The following ADIPOR2 variants were observed in gnomAD, a reference collection of about 807,000 sequenced individuals.
ADIPOR2 encodes adiponectin receptor protein 2.
ADIPOR2 carries 18 observed loss-of-function variants against 40.9 expected under a neutral mutation model. The observed-to-expected ratio is 0.44, with a 90% CI of 0.30 to 0.65. The LOEUF (loss-of-function observed/expected upper bound fraction) is 0.65. Among genes scored for constraint, ADIPOR2 ranks in the 30% least tolerant of loss-of-function variants. The pLI, the probability that ADIPOR2 is intolerant of heterozygous loss-of-function variation, is 0.09. For missense variants in ADIPOR2, 283 were observed against 479.2 expected (o/e 0.59, Z 3.82); for synonymous variants, 165 against 166.4 (o/e 0.99, Z 0.06).
intron 1 of ADIPOR2, among the ~76,000 whole-genome samples, chr12:1,721,042 T>C (rs2094696840): frequency 6.6e-6 from 1 of 152,074 alleles, no homozygotes; most frequent in Non-Finnish European, 1.5e-5. Flanking sequence ...GTCCTGCCTT[T>C]CCAGACCAAA....
chr12:1,735,570 A>G (rs1592598396), intron 1 of ADIPOR2, among the ~76,000 whole-genome samples: 1 of 152,114 alleles, frequency 6.6e-6, no homozygotes, highest in East Asian at 1.9e-4. Context: ...TTCTTTTCCT[A>G]ATTGAATACC....
chr12:1,694,069 G>A (rs2094633005), intron 1 of ADIPOR2, among the ~76,000 whole-genome samples: 1 of 152,134 alleles, frequency 6.6e-6, no homozygotes, highest in African/African-American at 2.4e-5. Context: ...ACTACTTTAC[G>A]TGTATGAAAT....
chr12:1,732,457 G>A (rs1267064534), intron 1 of ADIPOR2, among the ~76,000 whole-genome samples: 1 of 152,150 alleles, frequency 6.6e-6, no homozygotes, highest in Non-Finnish European at 1.5e-5. Flanking sequence ...ATACACTTAA[G>A]GTTCTCCATG....
Position 1,742,696 on chromosome 12 carries a change from T to G in ADIPOR2, c.-86-11562T>G, listed in dbSNP as rs115631843. ...TGTCTAGATTACTTGTAGTACCAAA[T>G]ACAATGTAAATGCCCTGTAAATAGT... On this transcript the variant is annotated intron_variant, in intron 1 of 7. Transcript: ENST00000357103. Among the ~76,000 whole-genome samples the G allele has an allele frequency of 4.3e-3, 662 of 152,316 alleles. 5 individuals carry two copies. Among genetic ancestry groups the G allele is most frequent in the African/African-American group, 0.015 (631 of 41,568 alleles).
intron 1 of ADIPOR2, among the ~76,000 whole-genome samples, chr12:1,751,916 C>T (rs2094770076): frequency 6.7e-6 from 1 of 148,690 alleles, no homozygotes. Flanking sequence ...CTTTTCTTTT[C>T]TTTCTTTCTT....
chr12:1,728,958 G>GTTTTTTTTTTTTTTTTTTTTTTT, intron 1 of ADIPOR2, among the ~76,000 whole-genome samples: 1 of 110,054 alleles, frequency 9.1e-6, no homozygotes, highest in Non-Finnish European at 1.8e-5. Flanking sequence ...GTTCTGGACT[G>GTTTTTTTTTTTTTTTTTTTTTTT]TTTTTTTTTT....
At chr12:1,776,553 T>C (rs1862600748) in intron 3 of ADIPOR2, among the ~76,000 whole-genome samples, 1 of 152,300 alleles carries the variant, frequency 6.6e-6, no homozygotes, top group Admixed American at 6.5e-5. Flanking sequence ...CAAGATTAAG[T>C]GATCCTTGTG....
chr12:1,766,451 A>G (rs1345093572), intron 2 of ADIPOR2, among the ~76,000 whole-genome samples: 6 of 152,206 alleles, frequency 3.9e-5, no homozygotes, highest in Non-Finnish European at 5.9e-5. Flanking sequence ...CTCCTGGTCC[A>G]GTATTATGCC....
At chr12:1,725,125 C>CTT (rs33993408) in intron 1 of ADIPOR2, among the ~76,000 whole-genome samples, 1 of 143,890 alleles carries the variant, frequency 6.9e-6, no homozygotes, top group East Asian at 2.0e-4. Flanking sequence ...CGCAAACTTT[C>CTT]TTTTTTTTTT....
At chr12:1,732,702 A>G (rs184755452) in intron 1 of ADIPOR2, among the ~76,000 whole-genome samples, 15 of 152,290 alleles carry the variant, frequency 9.8e-5, no homozygotes, top group African/African-American at 3.4e-4. Context: ...GTATTTATGC[A>G]TACACTTTTA....
intron 1 of ADIPOR2, among the ~76,000 whole-genome samples, chr12:1,698,724 C>T (rs2154441270): frequency 6.6e-6 from 1 of 151,920 alleles, no homozygotes; most frequent in Non-Finnish European, 1.5e-5. Context: ...AAGCTAATTC[C>T]CCTTTAGTAA....
In ADIPOR2 at chr12:1,780,743, C is replaced by CT. The variant is rs372747022; in HGVS notation, c.650+118dup. ...AATTCTTAATATCATCTCATGCAAA[C>CT]TTTTTTTTTTTTAAAAATTAAAGAG... On this transcript the variant is annotated intron_variant, in intron 5 of 7. Transcript: ENST00000357103. 18 of 1,293,216 alleles carry CT rather than the reference C, an allele frequency of 1.4e-5. No homozygotes were observed. In the African/African-American group the frequency reaches 1.9e-4, roughly 14 times the overall value. 80.1% of individuals were successfully genotyped at this position (1,293,216 alleles called of 1,614,324 possible).
Position 1,783,956 on chromosome 12 carries a change from C to G in ADIPOR2, c.915C>G (p.Ala305=). The part of the protein sequence containing the change: ...HYVISEGFLK[A]ATIGQIGWLM... ...TCATCTCGGAGGGGTTCCTTAAGGC[C>G]GCCACCATAGGGCAGATAGGCTGGT... Residue 305 remains alanine (A), a synonymous_variant, in exon 7 of 8, where the codon GCC becomes GCG. Transcript: ENST00000357103. The G allele has an allele frequency of 1.9e-6, 3 of 1,613,564 alleles. No homozygotes were observed. Among genetic ancestry groups the G allele is most frequent in the Non-Finnish European group, 2.5e-6 (3 of 1,179,772 alleles).
intron 1 of ADIPOR2, among the ~76,000 whole-genome samples, chr12:1,704,697 A>G (rs1443750591): frequency 6.6e-6 from 1 of 152,214 alleles, no homozygotes; most frequent in Admixed American, 6.5e-5. Context: ...AAGATGTTTG[A>G]TATAAAACAC....
At chr12:1,752,188 C>A (rs370350751) in intron 1 of ADIPOR2, among the ~76,000 whole-genome samples, 1 of 148,416 alleles carries the variant, frequency 6.7e-6, no homozygotes, top group Non-Finnish European at 1.5e-5. Context: ...CTCGGCCCCC[C>A]AAAGTGCTGG....
chr12:1,768,084 G>A (rs941925455), intron 2 of ADIPOR2, among the ~76,000 whole-genome samples: 3 of 152,136 alleles, frequency 2.0e-5, no homozygotes, highest in Admixed American at 1.3e-4. Context: ...AATGCAGAAG[G>A]TCTCAGTTCT....
chr12:1,722,655 G>T (rs903494310), intron 1 of ADIPOR2, among the ~76,000 whole-genome samples: 2 of 152,154 alleles, frequency 1.3e-5, no homozygotes, highest in Non-Finnish European at 2.9e-5. Flanking sequence ...GCAGAAAAAT[G>T]GTTGTGACCA....
At chr12:1,730,558 AGTGAGCC>A (rs1447577623) in intron 1 of ADIPOR2, among the ~76,000 whole-genome samples, 1 of 149,128 alleles carries the variant, frequency 6.7e-6, no homozygotes, top group African/African-American at 2.4e-5. Context: ...CGGAGCTTGC[AGTGAGCC>A]GAGATAGTGC....
At chr12:1,751,277 A>C (rs2094768595) in intron 1 of ADIPOR2, among the ~76,000 whole-genome samples, 1 of 152,010 alleles carries the variant, frequency 6.6e-6, no homozygotes, top group African/African-American at 2.4e-5. Flanking sequence ...TTCTTTGTAG[A>C]TTTTGCAGCA....
Sources: allele counts gnomAD v4.1 joint callset (sites outside exome capture counted in the v4.1 genomes callset), GRCh38; gene constraint gnomAD v4.1.1; transcripts MANE v1.5; gene names NCBI Gene and HGNC (gene_info 2026-07-23, HGNC 2026-07-21).